Variants in HECW1 observed in about 807,000 individuals in gnomAD.
The protein encoded by HECW1 is E3 ubiquitin-protein ligase HECW1.
Under a neutral mutation model 182.3 loss-of-function variants are expected in HECW1, and 61 were observed. The observed-to-expected ratio is 0.33, with a 90% CI of 0.27 to 0.41. The LOEUF is 0.41. Ranked by LOEUF, HECW1 falls within the 10% of genes least tolerant of loss-of-function variation. The pLI is 1.00. For missense variants in HECW1, 1,739 were observed against 2,108.9 expected, an observed-to-expected ratio of 0.82 and a Z score of 3.44; for synonymous variants, 859 against 832.6, an observed-to-expected ratio of 1.03 and a Z score of -0.55.
At position 43,332,498 on chromosome 7, in the gene HECW1, G is replaced by C. The variant is rs78581037; in HGVS notation, c.460+11756G>C. On this transcript the variant is annotated intron_variant, in intron 5 of 29. Transcript: ENST00000395891. ...GCCAAATTTGGCAGGCAAGAATATG[G>C]GGCAGACAAGGGACACTGACCTAAC... 4.0e-3 allele frequency among the ~76,000 whole-genome samples: 608 copies of C among 152,322 alleles called. 4 individuals are homozygous for C. The highest frequency in any genetic ancestry group is 0.014 in the African/African-American group (584 of 41,572).
At chr7:43,323,082 A>G (rs1286388406) in intron 5 of HECW1, among the ~76,000 whole-genome samples, 1 of 152,206 alleles carries the variant, frequency 6.6e-6, no homozygotes, top group Non-Finnish European at 1.5e-5. Context: ...CTTTGATACT[A>G]TATGATCTCC....
At chr7:43,463,027 A>T (rs913422511) in intron 13 of HECW1, among the ~76,000 whole-genome samples, 2 of 152,186 alleles carry the variant, frequency 1.3e-5, no homozygotes, top group African/African-American at 4.8e-5. Flanking sequence ...CTTCCATCTG[A>T]AAGTCCAGCA....
In HECW1 at chr7:43,134,100, A is replaced by T. The variant is rs575087809; in HGVS notation, c.-32+19709A>T. Among the ~76,000 whole-genome samples, 239 of 152,268 alleles carry T rather than the reference A, an allele frequency of 1.6e-3. 1 individual carries two copies. The highest frequency in any genetic ancestry group is 5.5e-3 in the African/African-American group (229 of 41,554). On this transcript the variant is annotated intron_variant, in intron 2 of 29. Transcript: ENST00000395891. ...TATAGCCCAAGTGTTTCATTCTTAA[A>T]TTTTAAGAATAAATTTGTGGCCGGG...
rs78330737 is a variant in HECW1 at position 43,237,873 on chromosome 7, G to A, written c.-31-6002G>A. ...CACTTGGAGCCTGCAAAAGCGCTGA[G>A]TAGGACTTAGTCTGCTTGCATATCC... On this transcript the variant is annotated intron_variant, in intron 2 of 29. Transcript: ENST00000395891. 1.2e-3 allele frequency among the ~76,000 whole-genome samples: 184 copies of A among 151,980 alleles called. 4 individuals are homozygous for A. In the East Asian group the frequency reaches 0.036, roughly 29 times the overall value.
chr7:43,228,158 G>A (rs7796495), intron 2 of HECW1, among the ~76,000 whole-genome samples: 73,524 of 151,938 alleles, frequency 0.48, 19,067 homozygotes, highest in African/African-American at 0.67. Flanking sequence ...AGCAAATAAC[G>A]CCCAGGGAAA....
intron 20 of HECW1, 149 bp from the exon 21 acceptor site, chr7:43,501,064 C>T: frequency 1.6e-6 from 1 of 609,688 alleles, no homozygotes; most frequent in Non-Finnish European, 2.9e-6. Flanking sequence ...CAGCATGTAC[C>T]TATCTTTCTG....
chr7:43,341,521 T>C (rs1246649623), intron 5 of HECW1, among the ~76,000 whole-genome samples: 1 of 151,638 alleles, frequency 6.6e-6, no homozygotes, highest in East Asian at 1.9e-4. Context: ...AAAAAGAAGT[T>C]GCAATTAACC....
At chr7:43,296,478 C>T (rs1486175606) in intron 3 of HECW1, among the ~76,000 whole-genome samples, 1 of 152,132 alleles carries the variant, frequency 6.6e-6, no homozygotes, top group African/African-American at 2.4e-5. Flanking sequence ...ACAAGACACA[C>T]ACTCATGAAT....
intron 2 of HECW1, among the ~76,000 whole-genome samples, chr7:43,170,637 G>A (rs139363649): frequency 3.3e-5 from 5 of 152,300 alleles, no homozygotes; most frequent in African/African-American, 1.2e-4. Flanking sequence ...CATTTGAAAG[G>A]GCCTTGTCAA....
intron 2 of HECW1, among the ~76,000 whole-genome samples, chr7:43,130,662 A>G (rs1438410248): frequency 6.6e-6 from 1 of 152,226 alleles, no homozygotes; most frequent in South Asian, 2.1e-4. Context: ...CATCACCAGA[A>G]TACCTGTATC....
chr7:43,299,382 G>A (rs560781404), intron 3 of HECW1, among the ~76,000 whole-genome samples: 3 of 152,264 alleles, frequency 2.0e-5, no homozygotes, highest in African/African-American at 2.4e-5. Context: ...AGATGGTCAC[G>A]GGCATCTAAG....
Position 43,311,968 on chromosome 7 carries a change from G to A in HECW1, c.233G>A (p.Arg78His), listed in dbSNP as rs1283464320. Reference sequence around the variant, plus strand: ...ACTGACCTGGTCACCTCGGACAGCCGCTCCACGCTCATGGTCAGCAGCTCC... The same window carrying A: ...ACTGACCTGGTCACCTCGGACAGCCACTCCACGCTCATGGTCAGCAGCTCC... ...SDTDLVTSDS[R>H]STLMVSSSYY... is the part of the protein sequence containing the mutation. The change falls in exon 4 of 30, where the codon CGC (arginine) becomes CAC (histidine). Residue 78 changes from arginine (R) to histidine (H), a missense_variant. Coordinates refer to ENST00000395891, the MANE Select transcript of HECW1 (RefSeq NM_015052.5). The A allele has an allele frequency of 5.0e-6, 8 of 1,614,084 alleles. No homozygotes were observed. The highest frequency in any genetic ancestry group is 2.2e-5 in the East Asian group (1 of 44,892).
At chr7:43,236,628 G>C (rs574530598) in intron 2 of HECW1, among the ~76,000 whole-genome samples, 1 of 152,120 alleles carries the variant, frequency 6.6e-6, no homozygotes, top group Non-Finnish European at 1.5e-5. Flanking sequence ...TCAGCCTTTC[G>C]CTGAATACTC....
chr7:43,491,072 A>C (rs568152492), intron 17 of HECW1, among the ~76,000 whole-genome samples: 1 of 152,222 alleles, frequency 6.6e-6, no homozygotes, highest in Non-Finnish European at 1.5e-5. Flanking sequence ...AATTTAGTTT[A>C]AAGTTAATCA....
intron 6 of HECW1, among the ~76,000 whole-genome samples, chr7:43,378,810 C>CA (rs202007736): frequency 0.12 from 17,698 of 146,530 alleles, 1,234 homozygotes; most frequent in Middle Eastern, 0.29. Context: ...TCTCAAAAAA[C>CA]AAAAATAAAA....
chr7:43,223,457 A>C (rs1260302334), intron 2 of HECW1, among the ~76,000 whole-genome samples: 1 of 152,162 alleles, frequency 6.6e-6, no homozygotes, highest in African/African-American at 2.4e-5. Flanking sequence ...ATTTCTACTA[A>C]AAATACAAAA....
At chr7:43,287,646 G>GT (rs1804827220) in intron 3 of HECW1, among the ~76,000 whole-genome samples, 2 of 122,640 alleles carry the variant, frequency 1.6e-5, no homozygotes, top group African/African-American at 5.2e-5. Flanking sequence ...CCCTGATTTA[G>GT]GTTTTTTAAA....
intron 7 of HECW1, 142 bp from the exon 8 acceptor site, chr7:43,407,420 C>A: frequency 1.6e-6 from 1 of 612,000 alleles, no homozygotes; most frequent in Non-Finnish European, 2.8e-6. Flanking sequence ...ACTCCTTCAC[C>A]CCAGCCTGTT....
chr7:43,196,899 TC>T (rs941507629), intron 2 of HECW1, among the ~76,000 whole-genome samples: 2 of 152,156 alleles, frequency 1.3e-5, no homozygotes, highest in African/African-American at 2.4e-5. Context: ...AGTTTTATTT[TC>T]CCCCTGCCCT....
Sources: gnomAD v4.1 joint callset for allele counts (sites outside exome capture counted in the v4.1 genomes callset) on GRCh38, gnomAD v4.1.1 for gene constraint, MANE v1.5 for transcripts, NCBI Gene and HGNC (gene_info 2026-07-23, HGNC 2026-07-21) for gene names.